Variants in CCDC171 observed in about 807,000 individuals in gnomAD.
CCDC171 encodes the protein coiled-coil domain containing 171.
Under a neutral mutation model 168.2 loss-of-function variants are expected in CCDC171, and 177 were observed. That is an observed-to-expected ratio of 1.05 (90% CI 0.93 to 1.19). The LOEUF (loss-of-function observed/expected upper bound fraction) is 1.19, where lower values mean the gene tolerates loss of function less well. Ranked by LOEUF, CCDC171 falls within the 50% of genes most tolerant of loss-of-function variation. The pLI is 0.00. For missense variants in CCDC171, 1,991 were observed against 1,539.0 expected (o/e 1.29, Z -4.91); for synonymous variants, 687 against 540.8 (o/e 1.27, Z -3.75).
intron 7 of CCDC171, among the ~76,000 whole-genome samples, chr9:15,631,847 G>A (rs1281923155): frequency 2.1e-4 from 32 of 152,144 alleles, no homozygotes; most frequent in Admixed American, 2.1e-3. Flanking sequence ...TCATCCCTGG[G>A]ATGCAAGGCT....
chr9:15,674,339 G>GT (rs1748959886), intron 9 of CCDC171, among the ~76,000 whole-genome samples: 1 of 151,990 alleles, frequency 6.6e-6, no homozygotes, highest in Non-Finnish European at 1.5e-5. Context: ...TTTTTGAAGG[G>GT]TTTTTTGTGT....
intron 23 of CCDC171, among the ~76,000 whole-genome samples, chr9:15,853,713 T>C (rs966060968): frequency 5.9e-5 from 9 of 151,652 alleles, no homozygotes; most frequent in Non-Finnish European, 8.9e-5. Context: ...CCATTAAGCA[T>C]GATATTAGCT....
rs1345571842 is a variant in CCDC171, at chr9:15,973,752, A to G, written c.*1916A>G. 6.6e-6 allele frequency: 1 copy of G among 152,158 alleles called. No individual in the cohort carries two copies. Among genetic ancestry groups the G allele is most frequent in the Non-Finnish European group, 1.5e-5 (1 of 68,018 alleles). 9.4% of individuals were successfully genotyped at this position (152,158 alleles called of 1,614,324 possible). ...CCTTTCTCTGCTGTTCCAAACAATG[A>G]TTAGGATATTGTTCATACAGAAATT... On this transcript the variant is annotated 3_prime_UTR_variant, in exon 26 of 26. Transcript: ENST00000380701.
chr9:15,685,857 T>G (rs2050356873), intron 10 of CCDC171, among the ~76,000 whole-genome samples: 1 of 152,196 alleles, frequency 6.6e-6, no homozygotes, highest in Non-Finnish European at 1.5e-5. Flanking sequence ...GCCAGACATC[T>G]CTGTAGAATG....
chr9:15,946,866 C>G (rs1226935169), intron 25 of CCDC171, among the ~76,000 whole-genome samples: 1 of 151,912 alleles, frequency 6.6e-6, no homozygotes, highest in Non-Finnish European at 1.5e-5. Context: ...AGTTAGGTTT[C>G]AAGATATGTT....
chr9:15,744,698 T>C lies in CCDC171; in HGVS notation c.2475T>C (p.Phe825=), dbSNP rs2055144651. The change falls in exon 17 of 26, where the codon TTT becomes TTC. Residue 825 remains phenylalanine (F), a synonymous_variant. Transcript: ENST00000380701. ...TGGGCCAATCATGTGCCTCTCTTTT[T>C]ACCTGGATGGAGAGTTTCAAAGAAG... ...KILGQSCASL[F]TWMESFKEGI... The C allele has an allele frequency of 3.1e-6, 5 of 1,614,042 alleles. No individual in the cohort carries two copies. In the Admixed American group the frequency reaches 6.7e-5, roughly 22 times the overall value.
At chr9:15,634,488 A>C (rs1008450139) in intron 7 of CCDC171, among the ~76,000 whole-genome samples, 9 of 152,070 alleles carry the variant, frequency 5.9e-5, no homozygotes, top group Admixed American at 5.9e-4. Flanking sequence ...CTCTCTCTCC[A>C]TGTGTATTTC....
At chr9:16,074,999 A>G in the CCDC171 span, among the ~76,000 whole-genome samples, 206 of 152,282 alleles carry the variant, frequency 1.4e-3, no homozygotes, top group South Asian at 8.7e-3. Flanking sequence ...CGTGCTTGTT[A>G]CTTTATACAT....
intron 7 of CCDC171, among the ~76,000 whole-genome samples, chr9:15,651,284 T>A (rs1022676282): frequency 6.6e-6 from 1 of 152,100 alleles, no homozygotes; most frequent in South Asian, 2.1e-4. Flanking sequence ...AATTTTTGTA[T>A]TTTTAGTAGA....
chr9:15,632,786 A>G (rs1045396373), intron 7 of CCDC171, among the ~76,000 whole-genome samples: 2 of 152,258 alleles, frequency 1.3e-5, no homozygotes, highest in East Asian at 1.9e-4. Context: ...ACAAGGCTAC[A>G]GTAACCAAAA....
At chr9:16,016,965 A>G (rs1833039669) in intron 3 of CCDC171, among the ~76,000 whole-genome samples, 1 of 152,180 alleles carries the variant, frequency 6.6e-6, no homozygotes, top group Non-Finnish European at 1.5e-5. Context: ...GTTTTCCAGT[A>G]AGATCGTAAA....
intron 2 of CCDC171, among the ~76,000 whole-genome samples, chr9:15,566,888 C>A (rs1244779093): frequency 6.6e-6 from 1 of 152,156 alleles, no homozygotes; most frequent in Non-Finnish European, 1.5e-5. Context: ...ATGTGCGTAG[C>A]CAGTTGTTCC....
At chr9:16,066,157 A>G (rs913257325), downstream of CCDC171, among the ~76,000 whole-genome samples, 2 of 152,126 alleles carry the variant, frequency 1.3e-5, no homozygotes, top group Non-Finnish European at 2.9e-5. Context: ...TCTTCACTGC[A>G]GACTAACCTC....
chr9:15,873,131 C>A (rs1001229970), intron 23 of CCDC171, among the ~76,000 whole-genome samples: 1 of 151,938 alleles, frequency 6.6e-6, no homozygotes, highest in Non-Finnish European at 1.5e-5. Context: ...CAGCTTGGGA[C>A]ATATAAGGAT....
intron 9 of CCDC171, among the ~76,000 whole-genome samples, chr9:15,671,017 A>C (rs1476023300): frequency 6.6e-6 from 1 of 152,096 alleles, no homozygotes; most frequent in African/African-American, 2.4e-5. Flanking sequence ...GCTTATGCTG[A>C]GTAGTTCGAG....
chr9:15,971,445 A>G (rs2132812321), intron 25 of CCDC171, among the ~76,000 whole-genome samples, 164 bp from the exon 26 acceptor site: 1 of 152,334 alleles, frequency 6.6e-6, no homozygotes, highest in South Asian at 2.1e-4. Flanking sequence ...CACTTGATAA[A>G]TAATTTACTA....
chr9:15,842,114 CA>C (rs1179379269), intron 21 of CCDC171, among the ~76,000 whole-genome samples: 1 of 151,954 alleles, frequency 6.6e-6, no homozygotes, highest in Non-Finnish European at 1.5e-5. Context: ...GTTCTTATAA[CA>C]CTTGTGTTGT....
At chr9:15,635,932 A>G (rs1587628942) in intron 7 of CCDC171, among the ~76,000 whole-genome samples, 1 of 152,174 alleles carries the variant, frequency 6.6e-6, no homozygotes, top group Non-Finnish European at 1.5e-5. Flanking sequence ...TAGTTTCTCT[A>G]GATCCTCACC....
chr9:15,949,068 A>G (rs1315388537), intron 25 of CCDC171, among the ~76,000 whole-genome samples: 1 of 152,092 alleles, frequency 6.6e-6, no homozygotes, highest in Admixed American at 6.6e-5. Context: ...AGCACCATTT[A>G]TTAAATAGGG....
Sources: allele counts gnomAD v4.1 joint callset (sites outside exome capture counted in the v4.1 genomes callset), GRCh38; gene constraint gnomAD v4.1.1; transcripts MANE v1.5; gene names NCBI Gene and HGNC (gene_info 2026-07-23, HGNC 2026-07-21).